The following TENM1 variants were observed in gnomAD, a reference collection of about 807,000 sequenced individuals.
The protein encoded by TENM1 is teneurin transmembrane protein 1.
In TENM1, 35 loss-of-function variants were observed where a neutral mutation model predicts 174.8. The observed-to-expected ratio is 0.20, with a 90% CI of 0.15 to 0.27. The LOEUF (loss-of-function observed/expected upper bound fraction) is 0.27, where lower values mean the gene tolerates loss of function less well. Ranked by LOEUF, TENM1 falls within the 10% of genes least tolerant of loss-of-function variation. The pLI, the probability that TENM1 is intolerant of heterozygous loss-of-function variation, is 1.00. For synonymous variants in TENM1, 781 were observed against 798.7 expected, an observed-to-expected ratio of 0.98 and a Z score of 0.37; for missense variants, 1,633 against 2,130.1, an observed-to-expected ratio of 0.77 and a Z score of 4.59.
chrX:124,644,906 A>C (rs1346697016), intron 10 of TENM1, among the ~76,000 whole-genome samples: 1 of 111,500 alleles, frequency 9.0e-6, no homozygotes, highest in African/African-American at 3.3e-5. Context: ...GGGATGTACA[A>C]TACTATTTTT....
At chrX:124,961,686 G>A (rs147512391) in intron 1 of TENM1, among the ~76,000 whole-genome samples, 286 of 111,489 alleles carry the variant, frequency 2.6e-3, no homozygotes, top group Non-Finnish European at 4.4e-3. Flanking sequence ...GTTCACAGAG[G>A]AAGATCACCT....
At chrX:124,789,960 G>C (rs897342444) in intron 3 of TENM1, among the ~76,000 whole-genome samples, 1 of 111,672 alleles carries the variant, frequency 9.0e-6, no homozygotes, top group African/African-American at 3.3e-5. Context: ...CCCAAGACTG[G>C]GCAATTTACA....
intron 3 of TENM1, among the ~76,000 whole-genome samples, chrX:124,807,351 G>A (rs149589315): frequency 1.8e-5 from 2 of 112,193 alleles, no homozygotes; most frequent in African/African-American, 3.2e-5. Context: ...CCAGCAAGCT[G>A]TCCTTTAGTA....
the TENM1 span, among the ~76,000 whole-genome samples, chrX:125,009,111 T>C: frequency 3.2e-5 from 3 of 93,933 alleles, no homozygotes; most frequent in Admixed American, 1.1e-4. Context: ...TTTTTTTTTT[T>C]CCGGAAAAAA....
chrX:124,477,256 T>G (rs1319785970), intron 22 of TENM1, among the ~76,000 whole-genome samples: 1 of 112,638 alleles, frequency 8.9e-6, no homozygotes, highest in Non-Finnish European at 1.9e-5. Flanking sequence ...TTTGAATAAT[T>G]ACATTTACAG....
chrX:124,840,873 A>C (rs2056484088), intron 3 of TENM1, among the ~76,000 whole-genome samples: 1 of 111,862 alleles, frequency 8.9e-6, no homozygotes, highest in African/African-American at 3.2e-5. Context: ...TATACATTAT[A>C]ATTTTACTTA....
the TENM1 span, among the ~76,000 whole-genome samples, chrX:125,094,231 C>A: frequency 8.9e-6 from 1 of 112,084 alleles, no homozygotes; most frequent in Non-Finnish European, 1.9e-5. Flanking sequence ...GGGCTGTTGG[C>A]TGGTCTCATC....
chrX:124,635,846 A>G (rs2050865708), intron 11 of TENM1, among the ~76,000 whole-genome samples: 1 of 112,407 alleles, frequency 8.9e-6, no homozygotes, highest in African/African-American at 3.2e-5. Context: ...GTTTTAAGGG[A>G]GCATGATTTG....
chrX:124,641,757 T>C, intron 11 of TENM1, 34 bp downstream of exon 14: 2 of 1,146,654 alleles, frequency 1.7e-6, no homozygotes, highest in Non-Finnish European at 1.2e-6. Context: ...AATTTAAGAG[T>C]AGAGGAAGGA....
intron 6 of TENM1, among the ~76,000 whole-genome samples, chrX:124,656,580 G>A (rs2051449366): frequency 9.0e-6 from 1 of 111,681 alleles, no homozygotes. Flanking sequence ...CTCACAGCTT[G>A]TAGGTGGAAA....
chrX:124,578,635 T>A (rs1308375901), intron 11 of TENM1, among the ~76,000 whole-genome samples: 3 of 112,209 alleles, frequency 2.7e-5, no homozygotes, highest in African/African-American at 9.7e-5. Flanking sequence ...AAATTATGAC[T>A]GCCTCTGTTT....
the TENM1 span, among the ~76,000 whole-genome samples, chrX:125,056,583 T>C: frequency 9.0e-6 from 1 of 111,462 alleles, no homozygotes; most frequent in Non-Finnish European, 1.9e-5. Flanking sequence ...CAGAAGTCTG[T>C]GCTGGATGCA....
At chrX:124,889,517 C>A (rs372799800) in intron 3 of TENM1, among the ~76,000 whole-genome samples, 2 of 111,227 alleles carry the variant, frequency 1.8e-5, no homozygotes, top group African/African-American at 6.5e-5. Context: ...AAGGTCTTAA[C>A]AATTCTTCTG....
chrX:124,549,323 G>A (rs1049340458), intron 14 of TENM1, among the ~76,000 whole-genome samples: 5 of 111,924 alleles, frequency 4.5e-5, no homozygotes, highest in African/African-American at 1.6e-4. Context: ...CAAATGGGCA[G>A]TCACTTTTAC....
intron 3 of TENM1, among the ~76,000 whole-genome samples, chrX:124,761,136 G>A (rs966445317): frequency 1.3e-4 from 14 of 111,279 alleles, no homozygotes; most frequent in African/African-American, 3.3e-4. Flanking sequence ...AAACTGTGGC[G>A]ATTCCTCAAG....
the TENM1 span, among the ~76,000 whole-genome samples, chrX:125,149,464 T>A: frequency 8.9e-6 from 1 of 112,235 alleles, no homozygotes; most frequent in Non-Finnish European, 1.9e-5. Flanking sequence ...AGTAATGGCA[T>A]CTCATCCATT....
intron 1 of TENM1, among the ~76,000 whole-genome samples, chrX:124,962,170 G>C (rs1019462063): frequency 5.4e-5 from 6 of 111,579 alleles, no homozygotes; most frequent in African/African-American, 1.6e-4. Context: ...ATGCCGGGGA[G>C]GTTAACTGAA....
intron 6 of TENM1, among the ~76,000 whole-genome samples, chrX:124,654,850 G>A (rs754970234): frequency 7.2e-5 from 8 of 111,521 alleles, no homozygotes; most frequent in Non-Finnish European, 1.5e-4. Flanking sequence ...GGAATTATGG[G>A]TGATTCAAGT....
intron 1 of TENM1, among the ~76,000 whole-genome samples, chrX:124,915,242 C>T (rs1027522004): frequency 1.8e-5 from 2 of 112,208 alleles, no homozygotes; most frequent in Non-Finnish European, 3.8e-5. Context: ...TGTAAATTCT[C>T]GGCTGGATGT....
Sources: gnomAD v4.1 joint callset for allele counts (sites outside exome capture counted in the v4.1 genomes callset) on GRCh38, gnomAD v4.1.1 for gene constraint, MANE v1.5 for transcripts, NCBI Gene and HGNC (gene_info 2026-07-23, HGNC 2026-07-21) for gene names.